The following PRKN variants were observed in gnomAD, a reference collection of about 807,000 sequenced individuals.
The protein encoded by PRKN is parkin RBR E3 ubiquitin protein ligase.
A neutral mutation model predicts 59.5 loss-of-function variants in PRKN; 56 were observed. The ratio of observed to expected loss-of-function variants is 0.94; its 90% CI spans 0.76 to 1.18. The LOEUF (loss-of-function observed/expected upper bound fraction) is 1.18, where lower values mean the gene tolerates loss of function less well. PRKN is among the 50% of genes most tolerant of loss of function. The pLI is 0.00. For missense variants in PRKN, 657 were observed against 596.4 expected (o/e 1.10, Z -1.06); for synonymous variants, 250 against 222.1 (o/e 1.13, Z -1.12).
chr6:162,319,282 T>C (rs80010420), intron 2 of PRKN, among the ~76,000 whole-genome samples: 5,387 of 152,110 alleles, frequency 0.035, 131 homozygotes, highest in Non-Finnish European at 0.05. Flanking sequence ...GATCAGAATC[T>C]TTGGGGGTGG....
chr6:162,264,571 C>G (rs1334513414), intron 2 of PRKN, among the ~76,000 whole-genome samples: 1 of 152,002 alleles, frequency 6.6e-6, no homozygotes, highest in Non-Finnish European at 1.5e-5. Flanking sequence ...GTCCTTAAAT[C>G]CCATTCCAAC....
intron 1 of PRKN, among the ~76,000 whole-genome samples, chr6:162,725,527 ATGCGGGAGGATTGCT>A (rs1347852268): frequency 3.3e-5 from 5 of 152,174 alleles, no homozygotes. Flanking sequence ...TCAGAGGCGA[ATGCGGGAGGATTGCT>A]TGAGCCCAGG....
intron 9 of PRKN, among the ~76,000 whole-genome samples, chr6:161,481,618 AAAAC>A (rs1290964814): frequency 2.6e-5 from 4 of 152,144 alleles, no homozygotes; most frequent in Admixed American, 6.5e-5. Flanking sequence ...ACAAAAAAAC[AAAAC>A]AAACAAACAA....
chr6:162,412,422 C>T (rs1393389747), intron 2 of PRKN, among the ~76,000 whole-genome samples: 3 of 151,824 alleles, frequency 2.0e-5, no homozygotes, highest in African/African-American at 7.3e-5. Flanking sequence ...CCTAAGCCAC[C>T]GCCTCCCTAT....
intron 1 of PRKN, among the ~76,000 whole-genome samples, chr6:162,588,306 CA>C (rs1781151723): frequency 6.6e-6 from 1 of 151,648 alleles, no homozygotes; most frequent in Non-Finnish European, 1.5e-5. Flanking sequence ...CCGCGGCGCC[CA>C]CCGGAACAAA....
At chr6:162,199,941 C>T (rs1256544861) in intron 4 of PRKN, among the ~76,000 whole-genome samples, 2 of 152,124 alleles carry the variant, frequency 1.3e-5, no homozygotes, top group African/African-American at 2.4e-5. Context: ...AGATGAAATG[C>T]GCCTTAATTA....
intron 2 of PRKN, among the ~76,000 whole-genome samples, chr6:162,400,206 C>CA (rs1787695226): frequency 7.0e-6 from 1 of 142,648 alleles, no homozygotes; most frequent in African/African-American, 2.6e-5. Flanking sequence ...GACTCTGTCT[C>CA]AAGAAAAAAA....
At chr6:161,626,244 G>A (rs530847571) in intron 7 of PRKN, among the ~76,000 whole-genome samples, 1 of 152,098 alleles carries the variant, frequency 6.6e-6, no homozygotes, top group Non-Finnish European at 1.5e-5. Flanking sequence ...TGGCTGTGCG[G>A]CTGTTAGGAT....
intron 4 of PRKN, among the ~76,000 whole-genome samples, chr6:162,179,564 A>G (rs774146401): frequency 6.6e-6 from 1 of 152,278 alleles, no homozygotes; most frequent in Middle Eastern, 3.4e-3. Flanking sequence ...ACTGAGTTGG[A>G]GGTGGCATGA....
chr6:162,353,508 T>C (rs1784710997), intron 2 of PRKN, among the ~76,000 whole-genome samples: 1 of 152,188 alleles, frequency 6.6e-6, no homozygotes, highest in African/African-American at 2.4e-5. Context: ...CGTATATGAA[T>C]AAATTTTTAA....
intron 1 of PRKN, among the ~76,000 whole-genome samples, chr6:162,685,033 C>T (rs1174371493): frequency 1.3e-5 from 2 of 152,084 alleles, no homozygotes; most frequent in Admixed American, 6.6e-5. Context: ...ATTAAGTCTG[C>T]AGCAGGACTG....
intron 1 of PRKN, among the ~76,000 whole-genome samples, chr6:162,553,037 C>T (rs1195857971): frequency 6.6e-6 from 1 of 151,934 alleles, no homozygotes; most frequent in African/African-American, 2.4e-5. Flanking sequence ...GATGCTGTCT[C>T]AGGGGAGGAA....
intron 5 of PRKN, among the ~76,000 whole-genome samples, chr6:161,999,640 C>A (rs553310111): frequency 1.3e-5 from 2 of 152,142 alleles, no homozygotes; most frequent in African/African-American, 4.8e-5. Context: ...GGAGTGATTG[C>A]ACTATGGTGA....
At chr6:162,673,443 T>C (rs758284497) in intron 1 of PRKN, among the ~76,000 whole-genome samples, 20 of 152,196 alleles carry the variant, frequency 1.3e-4, no homozygotes, top group Non-Finnish European at 1.9e-4. Flanking sequence ...TGGCTTGCAA[T>C]GGCAGGATCT....
intron 4 of PRKN, among the ~76,000 whole-genome samples, chr6:162,085,315 TCTAA>T (rs1436073672): frequency 7.2e-5 from 11 of 151,908 alleles, no homozygotes; most frequent in Admixed American, 5.9e-4. Context: ...TTATGGATTG[TCTAA>T]CTTCACAAGT....
intron 3 of PRKN, among the ~76,000 whole-genome samples, chr6:162,230,966 C>T (rs1171737914): frequency 2.0e-5 from 3 of 152,200 alleles, no homozygotes; most frequent in Admixed American, 2.0e-4. Context: ...CCTGTCTCCC[C>T]AATGTGATGT....
intron 2 of PRKN, among the ~76,000 whole-genome samples, chr6:162,315,306 C>G (rs1367309498): frequency 6.6e-6 from 1 of 152,122 alleles, no homozygotes; most frequent in Admixed American, 6.6e-5. Context: ...CTTAATTTGG[C>G]AAGGAAACAC....
At chr6:161,709,916 G>A (rs1021931190) in intron 7 of PRKN, among the ~76,000 whole-genome samples, 7 of 151,978 alleles carry the variant, frequency 4.6e-5, no homozygotes, top group African/African-American at 9.7e-5. Flanking sequence ...TTGTAGAAAC[G>A]CAAATATATT....
intron 5 of PRKN, among the ~76,000 whole-genome samples, chr6:162,020,332 C>CAAAAAAAAAAAAAA (rs771141235): frequency 1.5e-4 from 7 of 45,444 alleles, no homozygotes; most frequent in Non-Finnish European, 3.2e-4. Flanking sequence ...ACCAATGAAT[C>CAAAAAAAAAAAAAA]AAAAAAAAAA....
Sources: allele counts gnomAD v4.1 joint callset (sites outside exome capture counted in the v4.1 genomes callset), GRCh38; gene constraint gnomAD v4.1.1; transcripts MANE v1.5; gene names NCBI Gene and HGNC (gene_info 2026-07-23, HGNC 2026-07-21).